The following MYPN variants were observed in gnomAD, a reference collection of about 807,000 sequenced individuals.
MYPN encodes sarcomeric protein myopalladin, 145 kDa (MYOP).
Under a neutral mutation model 129.4 loss-of-function variants are expected in MYPN, and 63 were observed. The observed-to-expected ratio is 0.49, with a 90% CI of 0.40 to 0.60. The LOEUF is 0.60. MYPN is among the 20% of genes least tolerant of loss of function. The probability of loss-of-function intolerance (pLI) is 0.00; values close to 1 mark genes in which losing one functional copy is unlikely to be tolerated. For synonymous variants in MYPN, 629 were observed against 600.9 expected (o/e 1.05, Z -0.68); for missense variants, 1,596 against 1,635.4 (o/e 0.98, Z 0.42).
rs771419301 is a variant in MYPN at position 68,121,454 on chromosome 10, A to T, written c.16A>T (p.Ile6Leu). 5 of 1,612,600 alleles carry T rather than the reference A, an allele frequency of 3.1e-6. No individual in the cohort carries two copies. The highest frequency in any genetic ancestry group is 4.2e-6 in the Non-Finnish European group (5 of 1,179,418). The change falls in exon 2 of 20, where the codon ATA becomes TTA. Residue 6 changes from isoleucine to leucine, a missense_variant. Ile to Leu is a conservative substitution (Grantham distance 5, BLOSUM62 2). Transcript: ENST00000358913. ...TTGTGACAGCATGCAAGACGACAGC[A>T]TAGAAGCTTCTACTTCCATATCTCA... MQDDS[I>L]EASTSISQLL...
chr10:68,114,633 G>A (rs1437149281), intron 1 of MYPN, among the ~76,000 whole-genome samples: 2 of 152,152 alleles, frequency 1.3e-5, no homozygotes, highest in African/African-American at 4.8e-5. Context: ...ACAGGCATGA[G>A]CCACTGTGCC....
At chr10:68,194,814 T>G (rs2043577562) in intron 14 of MYPN, among the ~76,000 whole-genome samples, 1 of 152,178 alleles carries the variant, frequency 6.6e-6, no homozygotes, top group East Asian at 1.9e-4. Context: ...TCTTGAAGAG[T>G]CAATAAATCA....
intron 10 of MYPN, among the ~76,000 whole-genome samples, chr10:68,169,039 T>C (rs549012488): frequency 6.8e-6 from 1 of 146,238 alleles, no homozygotes; most frequent in East Asian, 2.0e-4. Flanking sequence ...TCATGAGATT[T>C]TATGGCTTGT....
At chr10:68,192,540 A>G (rs1170631617) in intron 13 of MYPN, among the ~76,000 whole-genome samples, 1 of 152,146 alleles carries the variant, frequency 6.6e-6, no homozygotes, top group Non-Finnish European at 1.5e-5. Flanking sequence ...TGAGTTTGGA[A>G]GTATTATCTC....
chr10:68,195,559 C>T (rs776947749), intron 15 of MYPN, 27 bp downstream of exon 15: 1 of 1,589,212 alleles, frequency 6.3e-7, no homozygotes, highest in Non-Finnish European at 8.6e-7. Context: ...TTCCCCCTCT[C>T]TAGGCCCTTC....
intron 2 of MYPN, among the ~76,000 whole-genome samples, chr10:68,130,007 T>A (rs2042384803): frequency 6.6e-6 from 1 of 152,190 alleles, no homozygotes; most frequent in Non-Finnish European, 1.5e-5. Context: ...TTATCTCAAG[T>A]GGTTTTAATT....
chr10:68,194,601 C>T, intron 14 of MYPN, 89 bp downstream of exon 14: 4 of 1,410,038 alleles, frequency 2.8e-6, no homozygotes, highest in Non-Finnish European at 3.0e-6. Flanking sequence ...GTGCGAGTTA[C>T]TAAGGATTGC....
At position 68,199,468 on chromosome 10, in the gene MYPN, A is replaced by G. The variant is rs755783155; in HGVS notation, c.3386A>G (p.His1129Arg). Residue 1129 changes from histidine to arginine, a missense_variant, in exon 17 of 20, where the codon CAC becomes CGC. Coordinates refer to ENST00000358913, the MANE Select transcript of MYPN (RefSeq NM_032578.4). ...HKMLVRETGV[H>R]SLLIDPLTQR... ...ATGCTGGTCAGGGAGACCGGAGTCC[A>G]CTCTCTGCTCATTGACCCACTCACT... 1.9e-6 allele frequency: 3 copies of G among 1,613,850 alleles called. No individual in the cohort carries two copies. Among genetic ancestry groups the G allele is most frequent in the Non-Finnish European group, 1.7e-6 (2 of 1,179,982 alleles).
At chr10:68,124,491 G>T (rs977812223) in intron 2 of MYPN, among the ~76,000 whole-genome samples, 1 of 152,062 alleles carries the variant, frequency 6.6e-6, no homozygotes, top group African/African-American at 2.4e-5. Context: ...TTTATATATA[G>T]GCATATTAAT....
At chr10:68,111,234 G>A (rs1485213744) in intron 1 of MYPN, among the ~76,000 whole-genome samples, 1 of 152,076 alleles carries the variant, frequency 6.6e-6, no homozygotes, top group East Asian at 1.9e-4. Flanking sequence ...AGGTAAATCA[G>A]GTTCCATTTT....
chr10:68,208,094 CCT>C, intron 19 of MYPN, among the ~76,000 whole-genome samples: 1 of 152,250 alleles, frequency 6.6e-6, no homozygotes, highest in East Asian at 1.9e-4. Context: ...TGTGCTCAAT[CCT>C]ACACTTTTTG....
chr10:68,167,039 G>GA (rs1353728176), intron 10 of MYPN, among the ~76,000 whole-genome samples: 8 of 149,656 alleles, frequency 5.3e-5, no homozygotes, highest in Non-Finnish European at 1.2e-4. Flanking sequence ...ACTTGTCCAG[G>GA]AAAAAAAAAG....
upstream of MYPN, among the ~76,000 whole-genome samples, chr10:68,102,981 A>G (rs1243584339): frequency 1.3e-5 from 2 of 152,274 alleles, no homozygotes; most frequent in Non-Finnish European, 2.9e-5. Flanking sequence ...TTTAATACAC[A>G]TGATAATTAC....
At chr10:68,148,533 A>G (rs1459871298) in intron 5 of MYPN, 66 bp downstream of exon 5, 14 of 1,242,860 alleles carry the variant, frequency 1.1e-5, no homozygotes, top group African/African-American at 8.9e-5. Flanking sequence ...GACCATGACC[A>G]TCTTGCATGG....
chr10:68,122,010 T>C lies in MYPN; in HGVS notation c.572T>C (p.Val191Ala). The change falls in exon 2 of 20, where the codon GTT becomes GCT. Residue 191 changes from valine (V) to alanine (A), a missense_variant. Val to Ala is a moderately conservative substitution (Grantham distance 64, BLOSUM62 0). Coordinates refer to ENST00000358913, the MANE Select transcript of MYPN (RefSeq NM_032578.4). ...AGTAAACTGGAATCTCAAAACAAAGTTATGCAGGAAAACAGCTCCAGTTTC... is the reference window on the plus strand; with the variant it reads ...AGTAAACTGGAATCTCAAAACAAAGCTATGCAGGAAAACAGCTCCAGTTTC... ...HKSKLESQNK[V>A]MQENSSSFSD... The C allele has an allele frequency of 6.2e-7, 1 of 1,614,154 alleles. No homozygotes were observed. The highest frequency in any genetic ancestry group is 8.5e-7 in the Non-Finnish European group (1 of 1,180,028).
At chr10:68,186,231 T>A (rs1219022403) in intron 12 of MYPN, among the ~76,000 whole-genome samples, 1 of 152,204 alleles carries the variant, frequency 6.6e-6, no homozygotes, top group Non-Finnish European at 1.5e-5. Context: ...TACTTTTTTT[T>A]ACCCAGTTTG....
At chr10:68,176,747 T>C (rs1459528451) in intron 12 of MYPN, among the ~76,000 whole-genome samples, 3 of 152,222 alleles carry the variant, frequency 2.0e-5, no homozygotes, top group African/African-American at 7.2e-5. Flanking sequence ...AACGCTACTA[T>C]TCTTCTCTTC....
upstream of MYPN, chr10:68,106,066 G>A (rs181093344): frequency 3.9e-4 from 174 of 450,082 alleles, no homozygotes; most frequent in Middle Eastern, 1.4e-3. Flanking sequence ...TTACTCTGGC[G>A]GGGCAGTATC....
upstream of MYPN, chr10:68,106,530 T>C (rs1200865611): frequency 1.6e-6 from 1 of 641,878 alleles, no homozygotes. Context: ...TTTTCAAAAA[T>C]ACGGCATAGA....
Sources: gnomAD v4.1 joint callset for allele counts (sites outside exome capture counted in the v4.1 genomes callset) on GRCh38, gnomAD v4.1.1 for gene constraint, MANE v1.5 for transcripts, NCBI Gene and HGNC (gene_info 2026-07-23, HGNC 2026-07-21) for gene names.